The following NLRP1 variants were observed in gnomAD, a reference collection of about 807,000 sequenced individuals.
NLRP1 encodes NACHT, LRR and PYD domains-containing protein 1.
In NLRP1, 94 loss-of-function variants were observed where a neutral mutation model predicts 136.7. The observed-to-expected ratio is 0.69, with a 90% CI of 0.58 to 0.82. The LOEUF is 0.82. NLRP1 is among the 40% of genes least tolerant of loss of function. The probability of loss-of-function intolerance (pLI) is 0.00; values close to 1 mark genes in which losing one functional copy is unlikely to be tolerated. For missense variants in NLRP1, 1,575 were observed against 1,802.7 expected (o/e 0.87, Z 2.29); for synonymous variants, 690 against 725.1 (o/e 0.95, Z 0.78).
chr17:5,566,045 TTTTA>T (rs1223825425), intron 3 of NLRP1, among the ~76,000 whole-genome samples: 2 of 152,188 alleles, frequency 1.3e-5, no homozygotes, highest in South Asian at 2.1e-4. Flanking sequence ...TCATTTCTGA[TTTTA>T]TTTATTTAGA....
intron 4 of NLRP1, 151 bp downstream of exon 4, chr17:5,558,188 T>TAC: frequency 4.0e-6 from 3 of 746,010 alleles, no homozygotes; most frequent in Non-Finnish European, 6.5e-6. Context: ...AGCATGGTGG[T>TAC]CAGATTGGGC....
chr17:5,543,349 G>A (rs1336835410), intron 5 of NLRP1, among the ~76,000 whole-genome samples: 1 of 152,218 alleles, frequency 6.6e-6, no homozygotes, highest in Non-Finnish European at 1.5e-5. Flanking sequence ...AGGGGCACGC[G>A]TGGCTGGTAG....
At chr17:5,550,688 T>A (rs935581796) in intron 5 of NLRP1, among the ~76,000 whole-genome samples, 2 of 152,136 alleles carry the variant, frequency 1.3e-5, no homozygotes, top group Non-Finnish European at 2.9e-5. Context: ...TCTGTTTCAT[T>A]TATCTCTACT....
At chr17:5,526,902 C>G (rs1363767232) in intron 12 of NLRP1, among the ~76,000 whole-genome samples, 4 of 152,210 alleles carry the variant, frequency 2.6e-5, no homozygotes, top group Non-Finnish European at 5.9e-5. Flanking sequence ...AGAAAACTCA[C>G]CATGGAAAGT....
chr17:5,513,785 G>A (rs1434630472), downstream of NLRP1, among the ~76,000 whole-genome samples: 11 of 152,226 alleles, frequency 7.2e-5, no homozygotes, highest in South Asian at 1.2e-3. Context: ...AAGACTCCTC[G>A]TATAAAACAG....
chr17:5,562,834 C>T (rs1460537497), intron 3 of NLRP1, among the ~76,000 whole-genome samples: 1 of 152,220 alleles, frequency 6.6e-6, no homozygotes, highest in African/African-American at 2.4e-5. Flanking sequence ...GGCACTGCCA[C>T]AAGGAAGCAC....
intron 3 of NLRP1, among the ~76,000 whole-genome samples, chr17:5,575,689 C>A (rs190062931): frequency 6.6e-6 from 1 of 152,086 alleles, no homozygotes; most frequent in East Asian, 1.9e-4. Context: ...GACTTTAACA[C>A]CCCCCTGTCA....
At chr17:5,545,067 A>G (rs1027935448) in intron 5 of NLRP1, among the ~76,000 whole-genome samples, 9 of 152,148 alleles carry the variant, frequency 5.9e-5, no homozygotes, top group African/African-American at 2.2e-4. Flanking sequence ...TGCTCTCATA[A>G]GACCTACTTT....
At position 5,559,397 on chromosome 17, in the gene NLRP1, T is replaced by G. The variant is rs1914472586; in HGVS notation, c.1299A>C (p.Pro433=). 1 of 1,614,116 alleles carries G rather than the reference T, an allele frequency of 6.2e-7. No individual in the cohort carries two copies. The highest frequency in any genetic ancestry group is 8.5e-7 in the Non-Finnish European group (1 of 1,179,982). Residue 433 remains proline (P), a synonymous_variant, in exon 4 of 17, where the codon CCA becomes CCC. Transcript: ENST00000572272. Reference sequence around the variant, plus strand: ...TGCCCAGCAGTGCATCCGCCGGCTGTGGCTGGCTCCAGTGCAGACAGAGCT... The same window carrying G: ...TGCCCAGCAGTGCATCCGCCGGCTGGGGCTGGCTCCAGTGCAGACAGAGCT... ...SSELCLHWSQ[P]QPADALLGSL...
chr17:5,569,433 A>T (rs748839916), intron 3 of NLRP1, among the ~76,000 whole-genome samples: 1 of 152,188 alleles, frequency 6.6e-6, no homozygotes, highest in Non-Finnish European at 1.5e-5. Context: ...GGAAAAATCT[A>T]CCAAGCAAAT....
At position 5,539,281 on chromosome 17, in the gene NLRP1, A is replaced by C. The variant is rs1597427525; in HGVS notation, c.2870+134T>G. On this transcript the variant is annotated intron_variant, in intron 7 of 16. Coordinates refer to ENST00000572272, the MANE Select transcript of NLRP1 (RefSeq NM_033004.4). ...CCCAGAGAATTCAGCGACTTGTCCA[A>C]GTCACACAGTGTAAGTGGTAGAGCT... is the stretch of plus-strand genomic sequence containing the variant. The C allele has an allele frequency of 6.7e-6, 5 of 746,822 alleles. No homozygotes were observed. In the East Asian group the frequency reaches 1.5e-4, roughly 22 times the overall value. The allele number at this position is 746,822 out of a possible 1,614,324, so 46.3% of individuals were successfully genotyped here.
Position 5,559,012 on chromosome 17 carries a change from G to A in NLRP1, c.1684C>T (p.Gln562Ter), listed in dbSNP as rs1243429523. Reference protein sequence around the residue: ...LHYLAQALQAQPLGPQLRDLC... With the variant: ...LHYLAQALQA The stretch of plus-strand genomic sequence containing the variant: ...TCTCTGAGCTGGGGTCCCAATGGCT[G>A]AGCTTGGAGAGCCTGGGCAAGGTAA... The change falls in exon 4 of 17, where the codon CAG becomes TAG. Residue 562 changes from glutamine (Q) to a stop codon, truncating the protein, a stop_gained. Transcript: ENST00000572272. LOFTEE classifies it high-confidence loss of function. 1.9e-6 allele frequency: 3 copies of A among 1,614,148 alleles called. No individual in the cohort carries two copies. Among genetic ancestry groups the A allele is most frequent in the Non-Finnish European group, 2.5e-6 (3 of 1,180,022 alleles).
At chr17:5,578,201 C>G (rs1455722388) in intron 3 of NLRP1, among the ~76,000 whole-genome samples, 1 of 152,122 alleles carries the variant, frequency 6.6e-6, no homozygotes, top group Non-Finnish European at 1.5e-5. Context: ...TAGGCATGGG[C>G]AAGGACTTCA....
intron 8 of NLRP1, among the ~76,000 whole-genome samples, chr17:5,535,447 T>C (rs947238934): frequency 4.6e-5 from 7 of 152,154 alleles, no homozygotes; most frequent in Admixed American, 4.6e-4. Context: ...CTGCCTGGAC[T>C]CCACCCCTTC....
At chr17:5,547,752 G>C (rs1362793448) in intron 5 of NLRP1, among the ~76,000 whole-genome samples, 1 of 152,170 alleles carries the variant, frequency 6.6e-6, no homozygotes, top group East Asian at 1.9e-4. Context: ...GGAGTGGGTA[G>C]AGCAGCCTCA....
chr17:5,557,224 C>T (rs1914192624), intron 4 of NLRP1, among the ~76,000 whole-genome samples: 1 of 151,982 alleles, frequency 6.6e-6, no homozygotes, highest in South Asian at 2.1e-4. Flanking sequence ...AGGCTGGTCT[C>T]GAACTCCTGG....
Position 5,556,828 on chromosome 17 carries a change from T to G in NLRP1, c.2357+1511A>C, listed in dbSNP as rs542027892. On this transcript the variant is annotated intron_variant, in intron 4 of 16. Transcript: ENST00000572272. The stretch of plus-strand genomic sequence containing the variant: ...TAGTAGAGATGGGGTTTCACCATGT[T>G]GACCAGGCTGGTCTCGAACTCCTGA... Among the ~76,000 whole-genome samples the G allele has an allele frequency of 2.0e-5, 3 of 152,204 alleles. No homozygotes were observed. In the East Asian group the frequency reaches 5.8e-4, roughly 29 times the overall value.
chr17:5,584,026 A>G lies in NLRP1; in HGVS notation c.-69T>C. ...TGGTGAGGGTATCAGGCAGGCAGAG[A>G]ACAGTGCTGTCCTTTGCCTTGGCTC... On this transcript the variant is annotated 5_prime_UTR_variant, in exon 1 of 17. Transcript: ENST00000572272. 1 of 1,465,392 alleles carries G rather than the reference A, an allele frequency of 6.8e-7. No individual in the cohort carries two copies. Among genetic ancestry groups the G allele is most frequent in the Non-Finnish European group, 9.3e-7 (1 of 1,074,690 alleles). The allele number at this position is 1,465,392 out of a possible 1,614,324, so 90.8% of individuals were successfully genotyped here.
At chr17:5,501,853 C>T (rs984668558) in exon 16 of NLRP1, 11 of 1,613,748 alleles carry the variant, frequency 6.8e-6, no homozygotes, top group African/African-American at 5.3e-5. Context: ...TGAGGTTCCA[C>T]GGCTGGCTGG....
Sources: allele counts gnomAD v4.1 joint callset (sites outside exome capture counted in the v4.1 genomes callset), GRCh38; gene constraint gnomAD v4.1.1; transcripts MANE v1.5; gene names NCBI Gene and HGNC (gene_info 2026-07-23, HGNC 2026-07-21).